The following PRKAR2B variants were observed in gnomAD, a reference collection of about 807,000 sequenced individuals.
PRKAR2B encodes cAMP-dependent protein kinase type II-beta regulatory subunit.
Under a neutral mutation model 49.9 loss-of-function variants are expected in PRKAR2B, and 14 were observed. That is an observed-to-expected ratio of 0.28 (90% CI 0.19 to 0.44). The LOEUF (loss-of-function observed/expected upper bound fraction) is 0.44. PRKAR2B is among the 20% of genes least tolerant of loss of function. PRKAR2B has a pLI of 1.00. For missense variants in PRKAR2B, 393 were observed against 537.9 expected (o/e 0.73, Z 2.67); for synonymous variants, 196 against 197.7 (o/e 0.99, Z 0.07).
intron 2 of PRKAR2B, among the ~76,000 whole-genome samples, chr7:107,092,197 A>G (rs1206416901): frequency 2.0e-5 from 3 of 151,306 alleles, no homozygotes; most frequent in Non-Finnish European, 2.9e-5. Flanking sequence ...AGCCACTGTC[A>G]CTGTAAGAGT....
chr7:107,136,568 C>T (rs547714722), intron 4 of PRKAR2B, among the ~76,000 whole-genome samples: 2 of 152,176 alleles, frequency 1.3e-5, no homozygotes, highest in East Asian at 3.8e-4. Context: ...TGCTCCACAT[C>T]ACATGTCATC....
chr7:107,128,063 AGTG>A (rs2115603636), intron 3 of PRKAR2B, 146 bp from the exon 4 acceptor site: 1 of 606,350 alleles, frequency 1.6e-6, no homozygotes, highest in Admixed American at 3.0e-5. Context: ...AGTCACCAAA[AGTG>A]AATCTCAGCA....
Position 107,159,431 on chromosome 7 carries a change from A to T in PRKAR2B, c.1124-18A>T. ...TTGCAAAGAATGTTATTTAAAAAAA[A>T]ATCTTCTCTTTTCTCAGCAATGGAT... On this transcript the variant is annotated intron_variant, in intron 10 of 10. Transcript: ENST00000265717. The T allele has an allele frequency of 1.2e-6, 2 of 1,611,120 alleles. No individual in the cohort carries two copies. Among genetic ancestry groups the T allele is most frequent in the Non-Finnish European group, 1.7e-6 (2 of 1,179,078 alleles).
chr7:107,112,510 C>G (rs1044235779), intron 2 of PRKAR2B, among the ~76,000 whole-genome samples: 1 of 151,948 alleles, frequency 6.6e-6, no homozygotes, highest in African/African-American at 2.4e-5. Flanking sequence ...GATTCCTATG[C>G]AGCCACTTAA....
chr7:107,070,141 G>C (rs1794233948), intron 1 of PRKAR2B, 140 bp from the exon 2 acceptor site: 1 of 498,764 alleles, frequency 2.0e-6, no homozygotes, highest in Non-Finnish European at 3.5e-6. Context: ...TTTAATTTTT[G>C]TATATTCATG....
rs146458696 is a variant in PRKAR2B, at chr7:107,095,709, C to T, written c.343+25393C>T. 9.1e-3 allele frequency among the ~76,000 whole-genome samples: 1,388 copies of T among 152,164 alleles called. 24 individuals are homozygous for T. Among genetic ancestry groups the T allele is most frequent in the African/African-American group, 0.032 (1,325 of 41,502 alleles). On this transcript the variant is annotated intron_variant, in intron 2 of 10. Transcript: ENST00000265717. ...CCTAGTTTATTGAGAGTTTTTAGCA[C>T]GAAGGGCTGTTAAATTTTGTTGAAG... is the stretch of plus-strand genomic sequence containing the variant.
chr7:107,066,328 G>GTGTGTGTGTA (rs1261166640), intron 1 of PRKAR2B, among the ~76,000 whole-genome samples: 1 of 151,648 alleles, frequency 6.6e-6, no homozygotes, highest in African/African-American at 2.4e-5. Flanking sequence ...GTGTGTGTGT[G>GTGTGTGTGTA]TGTGTATTCA....
intron 1 of PRKAR2B, among the ~76,000 whole-genome samples, chr7:107,060,017 T>TTTTA (rs1793995126): frequency 6.6e-6 from 1 of 151,406 alleles, no homozygotes; most frequent in Admixed American, 6.6e-5. Context: ...TAAAACAAAG[T>TTTTA]CATTCTAAAT....
At chr7:107,058,157 G>A (rs1253169407) in intron 1 of PRKAR2B, among the ~76,000 whole-genome samples, 1 of 151,990 alleles carries the variant, frequency 6.6e-6, no homozygotes, top group African/African-American at 2.4e-5. Context: ...GTAAATAGAT[G>A]TGTGTGTACA....
chr7:107,140,709 A>T (rs1262766632), intron 4 of PRKAR2B, 138 bp from the exon 5 acceptor site: 2 of 538,436 alleles, frequency 3.7e-6, no homozygotes, highest in Non-Finnish European at 6.5e-6. Context: ...ACTACTATGT[A>T]TTTTTCTGAC....
At chr7:107,125,482 G>C (rs182509907) in intron 3 of PRKAR2B, among the ~76,000 whole-genome samples, 1 of 152,304 alleles carries the variant, frequency 6.6e-6, no homozygotes, top group East Asian at 1.9e-4. Context: ...CACACTTTGG[G>C]TGTATTGCTG....
intron 2 of PRKAR2B, among the ~76,000 whole-genome samples, chr7:107,096,100 C>T (rs1226429135): frequency 6.6e-6 from 1 of 152,156 alleles, no homozygotes; most frequent in Non-Finnish European, 1.5e-5. Flanking sequence ...CTTTGTACCT[C>T]TGGTAGAATT....
chr7:107,133,341 C>G (rs1795636053), intron 4 of PRKAR2B, among the ~76,000 whole-genome samples: 1 of 152,142 alleles, frequency 6.6e-6, no homozygotes, highest in East Asian at 1.9e-4. Context: ...AAAATAGTTA[C>G]TATAGCAATT....
chr7:107,107,437 C>T (rs768767504), intron 2 of PRKAR2B, among the ~76,000 whole-genome samples: 11 of 151,926 alleles, frequency 7.2e-5, no homozygotes, highest in Non-Finnish European at 1.3e-4. Context: ...TCTTTTTAAG[C>T]GATTTAATTT....
intron 2 of PRKAR2B, among the ~76,000 whole-genome samples, chr7:107,106,840 G>T (rs532549900): frequency 2.2e-4 from 34 of 152,098 alleles, no homozygotes; most frequent in African/African-American, 6.5e-4. Flanking sequence ...CTTCTAGGTG[G>T]AGTGGCTAGA....
At chr7:107,066,287 TTCTC>T (rs1386322677) in intron 1 of PRKAR2B, among the ~76,000 whole-genome samples, 11 of 137,392 alleles carry the variant, frequency 8.0e-5, no homozygotes, top group Admixed American at 2.2e-4. Context: ...GTCTCTAGTT[TTCTC>T]TCTATGTGGG....
intron 6 of PRKAR2B, among the ~76,000 whole-genome samples, chr7:107,149,841 T>C (rs1795951043): frequency 6.6e-6 from 1 of 152,172 alleles, no homozygotes; most frequent in Admixed American, 6.5e-5. Flanking sequence ...AATTGTATAT[T>C]TTAAAATAAA....
intron 2 of PRKAR2B, among the ~76,000 whole-genome samples, chr7:107,112,811 A>G (rs1795201211): frequency 6.6e-6 from 1 of 152,070 alleles, no homozygotes; most frequent in South Asian, 2.1e-4. Context: ...GAATCTTTGG[A>G]TATTGATTTG....
intron 2 of PRKAR2B, among the ~76,000 whole-genome samples, chr7:107,070,857 A>G (rs955013676): frequency 1.3e-5 from 2 of 152,210 alleles, no homozygotes; most frequent in African/African-American, 2.4e-5. Context: ...ATTGCTTTAC[A>G]TTTGTTTGTG....
Sources: allele counts gnomAD v4.1 joint callset (sites outside exome capture counted in the v4.1 genomes callset), GRCh38; gene constraint gnomAD v4.1.1; transcripts MANE v1.5; gene names NCBI Gene and HGNC (gene_info 2026-07-23, HGNC 2026-07-21).